ALG5: variants seen among roughly 807,000 people sequenced by gnomAD.
The protein encoded by ALG5 is ALG5 dolichyl-phosphate beta-glucosyltransferase, also known as dolichyl-phosphate beta-glucosyltransferase.
A neutral mutation model predicts 51.8 loss-of-function variants in ALG5; 26 were observed. The ratio of observed to expected loss-of-function variants is 0.50; its 90% CI spans 0.37 to 0.70. ALG5 has a LOEUF of 0.70. ALG5 is among the 30% of genes least tolerant of loss of function. The pLI is 0.00. For synonymous variants in ALG5, 141 were observed against 136.1 expected (o/e 1.04, Z -0.25); for missense variants, 311 against 399.3 (o/e 0.78, Z 1.88).
At chr13:36,984,455 T>G (rs1291086394) in intron 6 of ALG5, among the ~76,000 whole-genome samples, 1 of 152,210 alleles carries the variant, frequency 6.6e-6, no homozygotes, top group Admixed American at 6.5e-5. Flanking sequence ...AGACCTGTGT[T>G]GCTAAATTCT....
chr13:36,985,568 T>C (rs2058998495), intron 6 of ALG5, 59 bp downstream of exon 6: 9 of 1,379,598 alleles, frequency 6.5e-6, no homozygotes, highest in Non-Finnish European at 9.1e-6. Flanking sequence ...CCTTTAACTT[T>C]ACTTTAGCTC....
intron 8 of ALG5, among the ~76,000 whole-genome samples, chr13:36,954,110 AG>A: frequency 6.6e-6 from 1 of 152,058 alleles, no homozygotes; most frequent in East Asian, 1.9e-4. Flanking sequence ...TGTTTTAAAC[AG>A]GGTCTTACTC....
chr13:36,952,662 C>A (rs1174958991), intron 8 of ALG5, 63 bp from the exon 9 acceptor site: 3 of 976,178 alleles, frequency 3.1e-6, no homozygotes, highest in Non-Finnish European at 4.4e-6. Flanking sequence ...TACATCTCTA[C>A]CTTGGCATGT....
intron 7 of ALG5, chr13:36,967,721 C>A (rs374810088): frequency 6.2e-6 from 5 of 806,350 alleles, no homozygotes; most frequent in Non-Finnish European, 9.1e-6. Context: ...CTTTAGGAAT[C>A]TCACAACAGC....
rs775475124 is a variant in ALG5, at chr13:36,999,338, C to T, written c.-38G>A. On this transcript the variant is annotated 5_prime_UTR_variant, in exon 1 of 10. Coordinates refer to ENST00000239891, the MANE Select transcript of ALG5 (RefSeq NM_013338.5). ...GGCAGCCCGCCCAATCCCGCACCTC[C>T]ACACAGGCGGAAGCGCGCCCGCGCG... 5.9e-6 allele frequency: 9 copies of T among 1,530,080 alleles called. No individual in the cohort carries two copies. Among genetic ancestry groups the T allele is most frequent in the African/African-American group, 5.7e-5 (4 of 69,714 alleles). The allele number at this position is 1,530,080 out of a possible 1,614,324, so 94.8% of individuals were successfully genotyped here.
chr13:36,957,523 T>C (rs2058845766), intron 8 of ALG5, among the ~76,000 whole-genome samples: 1 of 152,022 alleles, frequency 6.6e-6, no homozygotes, highest in South Asian at 2.1e-4. Context: ...TCACTTACAC[T>C]GCGCCTGGAG....
chr13:36,956,703 A>T (rs1924420), intron 8 of ALG5, among the ~76,000 whole-genome samples: 138,651 of 152,188 alleles, frequency 0.91, 63,340 homozygotes, highest in East Asian at 1. Flanking sequence ...TTTCACTCTA[A>T]TACATCTTGC....
chr13:36,989,606 A>G, intron 4 of ALG5, 30 bp from the exon 5 acceptor site: 3 of 1,500,226 alleles, frequency 2.0e-6, no homozygotes, highest in Non-Finnish European at 2.8e-6. Flanking sequence ...TCAGAATAAA[A>G]TTAATTTGGA....
Position 36,959,742 on chromosome 13 carries a change from A to G in ALG5, c.773+5833T>C, listed in dbSNP as rs372898864. On this transcript the variant is annotated intron_variant, in intron 8 of 9. Coordinates refer to ENST00000239891, the MANE Select transcript of ALG5 (RefSeq NM_013338.5). Reference sequence around the variant, plus strand: ...AATCCTTTCTCTACCTAACTATAAAACAAATGTGAGGGTAGAATCAATTTT... The same window carrying G: ...AATCCTTTCTCTACCTAACTATAAAGCAAATGTGAGGGTAGAATCAATTTT... 3.4e-3 allele frequency among the ~76,000 whole-genome samples: 517 copies of G among 152,194 alleles called. 2 individuals are homozygous for G. Among genetic ancestry groups the G allele is most frequent in the South Asian group, 0.021 (101 of 4,816 alleles).
At chr13:36,972,931 G>T (rs1416394643) in intron 6 of ALG5, among the ~76,000 whole-genome samples, 1 of 146,870 alleles carries the variant, frequency 6.8e-6, no homozygotes, top group African/African-American at 2.5e-5. Context: ...GGCAGAGCTT[G>T]CAGTGAGCCG....
Position 36,953,705 on chromosome 13 carries a change from G to T in ALG5, c.774-1106C>A, listed in dbSNP as rs184883203. ...CAACTTGAATTTGGGAGATTTTTTG[G>T]TTTTTTGCCACAATACCATAATCAT... On this transcript the variant is annotated intron_variant, in intron 8 of 9. Transcript: ENST00000239891. 2.5e-3 allele frequency among the ~76,000 whole-genome samples: 382 copies of T among 152,072 alleles called. 1 individual carries two copies. Among genetic ancestry groups the T allele is most frequent in the South Asian group, 0.016 (76 of 4,820 alleles).
Position 36,995,053 on chromosome 13 carries a change from A to G in ALG5, c.239-18T>C. On this transcript the variant is annotated intron_variant, in intron 2 of 9. Coordinates refer to ENST00000239891, the MANE Select transcript of ALG5 (RefSeq NM_013338.5). Reference sequence around the variant, plus strand: ...CACAGGCACTTGAAGAAAAAAATATATTAAAAATCACTTTTGAAAATGATT... The same window carrying G: ...CACAGGCACTTGAAGAAAAAAATATGTTAAAAATCACTTTTGAAAATGATT... The G allele has an allele frequency of 1.2e-6, 2 of 1,609,372 alleles. No homozygotes were observed. Among genetic ancestry groups the G allele is most frequent in the South Asian group, 1.1e-5 (1 of 90,874 alleles).
intron 6 of ALG5, among the ~76,000 whole-genome samples, chr13:36,978,698 G>A (rs1188567644): frequency 6.6e-6 from 1 of 151,150 alleles, no homozygotes; most frequent in East Asian, 2.0e-4. Context: ...GATCACTTGA[G>A]GTCAGGAGTT....
At chr13:36,959,864 A>G (rs2058857951) in intron 8 of ALG5, among the ~76,000 whole-genome samples, 1 of 151,950 alleles carries the variant, frequency 6.6e-6, no homozygotes, top group African/African-American at 2.4e-5. Context: ...AAATAAGGAA[A>G]TGGAGATAGA....
intron 1 of ALG5, 27 bp downstream of exon 1, chr13:36,999,208 T>C: frequency 6.4e-7 from 1 of 1,552,148 alleles, no homozygotes; most frequent in South Asian, 1.2e-5. Context: ...AGCCCCGGCC[T>C]GCGCGGGTTC....
intron 6 of ALG5, among the ~76,000 whole-genome samples, chr13:36,982,648 T>C (rs1246829125): frequency 8.5e-5 from 13 of 152,242 alleles, no homozygotes; most frequent in Admixed American, 6.5e-5. Flanking sequence ...CTAATTTCTC[T>C]ATGCATGTCA....
chr13:36,989,034 T>C (rs1593683323), intron 5 of ALG5, among the ~76,000 whole-genome samples: 1 of 152,328 alleles, frequency 6.6e-6, no homozygotes, highest in South Asian at 2.1e-4. Context: ...CTCATAATTA[T>C]AATCTTCTTT....
At chr13:36,983,792 C>CA (rs138658549) in intron 6 of ALG5, among the ~76,000 whole-genome samples, 1,850 of 150,640 alleles carry the variant, frequency 0.012, 30 homozygotes, top group African/African-American at 0.042. Flanking sequence ...TAGAAAAAAA[C>CA]AAAAAAAACA....
At chr13:36,970,150 C>T (rs1374615520) in intron 7 of ALG5, among the ~76,000 whole-genome samples, 6 of 151,742 alleles carry the variant, frequency 4.0e-5, no homozygotes, top group Admixed American at 2.0e-4. Context: ...ATCCCCCGTG[C>T]GTTGTTAAAC....
Sources: allele counts gnomAD v4.1 joint callset (sites outside exome capture counted in the v4.1 genomes callset), GRCh38; gene constraint gnomAD v4.1.1; transcripts MANE v1.5; gene names NCBI Gene and HGNC (gene_info 2026-07-23, HGNC 2026-07-21).